The following CLCN2 variants were observed in gnomAD, a reference collection of about 807,000 sequenced individuals.
CLCN2 encodes chloride voltage-gated channel 2.
CLCN2 carries 72 observed loss-of-function variants against 108.3 expected under a neutral mutation model. The ratio of observed to expected loss-of-function variants is 0.66; its 90% CI spans 0.55 to 0.81. The LOEUF (loss-of-function observed/expected upper bound fraction) is 0.81. Among genes scored for constraint, CLCN2 ranks in the 30% least tolerant of loss-of-function variants. CLCN2 has a pLI of 0.00. For missense variants in CLCN2, 1,048 were observed against 1,205.2 expected, an observed-to-expected ratio of 0.87 and a Z score of 1.93; for synonymous variants, 471 against 467.1, an observed-to-expected ratio of 1.01 and a Z score of -0.11.
At position 184,354,223 on chromosome 3, in the gene CLCN2, A is replaced by T; in HGVS notation, c.1599T>A (p.Pro533=). ...ELTGQIAHIL[P]VMIAVILANA... ...TGGCCAGGATGACGGCGATCATGACAGGCAGGATGTGGGCAATCTGGCCTG... is the reference window on the plus strand; with the variant it reads ...TGGCCAGGATGACGGCGATCATGACTGGCAGGATGTGGGCAATCTGGCCTG... Residue 533 remains proline (P), a synonymous_variant, in exon 15 of 24, where the codon CCT becomes CCA. Transcript: ENST00000265593. 6.2e-7 allele frequency: 1 copy of T among 1,613,384 alleles called. No homozygotes were observed. Among genetic ancestry groups the T allele is most frequent in the South Asian group, 1.1e-5 (1 of 91,058 alleles).
At position 184,358,071 on chromosome 3, in the gene CLCN2, G is replaced by T. The variant is rs769305023; in HGVS notation, c.506C>A (p.Thr169Asn). ...TTTCAGCACCACTCCCCGCAAGATG[G>T]TCTTCATCTCAGGGATGCCAGAGCC... ...AVGSGIPEMKTILRGVVLKEY... is the reference protein window; with the variant it reads ...AVGSGIPEMKNILRGVVLKEY... The change falls in exon 5 of 24, where the codon ACC becomes AAC. Residue 169 changes from threonine to asparagine, a missense_variant. Physicochemically the swap from Thr to Asn is moderately conservative, Grantham distance 65. Coordinates refer to ENST00000265593, the MANE Select transcript of CLCN2 (RefSeq NM_004366.6). The T allele has an allele frequency of 8.7e-6, 14 of 1,614,004 alleles. No homozygotes were observed. The highest frequency in any genetic ancestry group is 1.1e-5 in the Non-Finnish European group (13 of 1,180,044).
Position 184,353,270 on chromosome 3 carries a change from CAG to C in CLCN2, c.2006_2007del (p.Pro669ArgfsTer66), listed in dbSNP as rs780051256. On this transcript the variant is annotated frameshift_variant, in exon 17 of 24. Coordinates refer to ENST00000265593, the MANE Select transcript of CLCN2 (RefSeq NM_004366.6). LOFTEE classifies it high-confidence loss of function. ...CTCACCTGGAAGCAGACAGAAGCCT[CAG>C]GGGTAGGGGGACCCTCCTGATCAGA... is the stretch of plus-strand genomic sequence containing the variant. The part of the protein sequence containing the change: ...PLSDQEGPPT[P>X]EASVCFQVNT... The C allele has an allele frequency of 1.2e-6, 2 of 1,614,062 alleles. No homozygotes were observed. The highest frequency in any genetic ancestry group is 1.7e-6 in the Non-Finnish European group (2 of 1,180,010).
intron 1 of CLCN2, among the ~76,000 whole-genome samples, chr3:184,360,828 C>T (rs1023815691): frequency 1.3e-5 from 2 of 152,196 alleles, no homozygotes; most frequent in Non-Finnish European, 2.9e-5. Context: ...GTCCCAATTC[C>T]CACACCCATT....
At position 184,357,164 on chromosome 3, in the gene CLCN2, G is replaced by A; in HGVS notation, c.983+18C>T. 2 of 1,612,348 alleles carry A rather than the reference G, an allele frequency of 1.2e-6. No homozygotes were observed. Among genetic ancestry groups the A allele is most frequent in the Non-Finnish European group, 1.7e-6 (2 of 1,178,734 alleles). ...ACCCCCCTCCTCTCTGATACCCCCA[G>A]CCCCCTCAGCTCCTCACCCAATGAC... On this transcript the variant is annotated intron_variant, in intron 9 of 23. Transcript: ENST00000265593.
chr3:184,354,512 G>T (rs756037290), intron 14 of CLCN2, 36 bp downstream of exon 14: 1 of 1,546,404 alleles, frequency 6.5e-7, no homozygotes, highest in Non-Finnish European at 8.9e-7. Flanking sequence ...GTGGGTGGGG[G>T]GGTCTCCCAA....
At chr3:184,350,195 A>G (rs558762058) in intron 22 of CLCN2, among the ~76,000 whole-genome samples, 4 of 152,248 alleles carry the variant, frequency 2.6e-5, no homozygotes, top group Admixed American at 1.3e-4. Flanking sequence ...CATGGAACCC[A>G]TTGGAGGGCC....
At chr3:184,349,743 T>C (rs1727956837) in intron 22 of CLCN2, among the ~76,000 whole-genome samples, 3 of 152,172 alleles carry the variant, frequency 2.0e-5, no homozygotes, top group African/African-American at 7.2e-5. Context: ...ATTTTACAGA[T>C]CGGGAAAGTG....
In CLCN2 at chr3:184,355,705, T is replaced by G; in HGVS notation, c.1159A>C (p.Met387Leu). 6.2e-7 allele frequency: 1 copy of G among 1,614,082 alleles called. No individual in the cohort carries two copies. Among genetic ancestry groups the G allele is most frequent in the Non-Finnish European group, 8.5e-7 (1 of 1,179,990 alleles). The stretch of plus-strand genomic sequence containing the variant: ...CTGCCTGTGGTTACCTGTCCAGCCA[T>G]GAACTGTCCAAAGCCAGGGGGGAAG... ...LTFPPGFGQFMAGQLSQKETL... is the reference protein window; with the variant it reads ...LTFPPGFGQFLAGQLSQKETL... Residue 387 changes from methionine (M) to leucine (L), a missense_variant, in exon 11 of 24, where the codon ATG becomes CTG. Transcript: ENST00000265593. The surrounding 1 kb of genome is among the most constrained non-coding windows in gnomAD (Gnocchi z 6.3).
intron 22 of CLCN2, 70 bp downstream of exon 22, chr3:184,351,943 G>T: frequency 2.6e-6 from 3 of 1,164,726 alleles, no homozygotes; most frequent in Non-Finnish European, 3.9e-6. Context: ...GTCCAAACTT[G>T]TAGGGGGACC....
chr3:184,349,936 C>T (rs78016881), intron 22 of CLCN2, among the ~76,000 whole-genome samples: 251 of 152,332 alleles, frequency 1.6e-3, no homozygotes, highest in Middle Eastern at 3.4e-3. Flanking sequence ...TCCAGTTGCA[C>T]GGGTTCCTAA....
At chr3:184,349,131 C>A (rs2108556668) in intron 22 of CLCN2, 1 of 152,328 alleles carries the variant, frequency 6.6e-6, no homozygotes, top group South Asian at 2.1e-4. Context: ...TGAAAACATT[C>A]ATTTCTTCCA....
rs562433669 is a variant in CLCN2, at chr3:184,354,426, T to C, written c.1508-112A>G. 39 of 1,318,096 alleles carry C rather than the reference T, an allele frequency of 3.0e-5. No homozygotes were observed. In the East Asian group the frequency reaches 7.3e-4, roughly 25 times the overall value. 81.7% of individuals were successfully genotyped at this position (1,318,096 alleles called of 1,614,324 possible). A position where few individuals can be genotyped will look rare whatever the true frequency, so the allele number is the denominator to read the frequency against. On this transcript the variant is annotated intron_variant, in intron 14 of 23. Coordinates refer to ENST00000265593, the MANE Select transcript of CLCN2 (RefSeq NM_004366.6). ...AGGGCTGCCCAATACAGTCCTGGGA[T>C]TGGACCTGTGCATCTGAGGGAAGCC...
At chr3:184,353,905 G>C in intron 15 of CLCN2, 110 bp from the exon 16 acceptor site, 2 of 1,520,708 alleles carry the variant, frequency 1.3e-6, no homozygotes, top group Non-Finnish European at 8.9e-7. Context: ...ATGGGGACGG[G>C]AGCTAAGGAC....
Position 184,359,911 on chromosome 3 carries a change from G to T in CLCN2, c.64-780C>A, listed in dbSNP as rs544012021. 5.9e-5 allele frequency among the ~76,000 whole-genome samples: 9 copies of T among 151,736 alleles called. No individual in the cohort carries two copies. In the South Asian group the frequency reaches 1.9e-3, roughly 32 times the overall value. On this transcript the variant is annotated intron_variant, in intron 1 of 23. Coordinates refer to ENST00000265593, the MANE Select transcript of CLCN2 (RefSeq NM_004366.6). ...GACCTGCCAAGCTGGGCGTGTGTTG[G>T]GGGGCGGGGAGGAGTAGATTCTGGC...
chr3:184,357,783 T>C lies in CLCN2; in HGVS notation c.689A>G (p.Tyr230Cys), dbSNP rs142968399. ...SKFLSLFGGI[Y>C]ENESRNTEML... ...TTGCCCCAGGGTTCCCCTTACCTCA[T>C]AGATACCCCCAAAGAGGGAGAGGAA... Residue 230 changes from tyrosine to cysteine, a missense_variant, in exon 6 of 24, where the codon TAT becomes TGT. Physicochemically the swap from Tyr to Cys is radical, Grantham distance 194. Transcript: ENST00000265593. The C allele has an allele frequency of 1.5e-5, 24 of 1,613,750 alleles. No homozygotes were observed. The highest frequency in any genetic ancestry group is 6.7e-5 in the Admixed American group (4 of 59,998).
intron 1 of CLCN2, among the ~76,000 whole-genome samples, chr3:184,359,599 C>A (rs1010829496): frequency 6.6e-6 from 1 of 152,222 alleles, no homozygotes; most frequent in Non-Finnish European, 1.5e-5. Flanking sequence ...ATCCTTATCA[C>A]GTTCCTGCTG....
chr3:184,354,107 C>T lies in CLCN2; in HGVS notation c.1715G>A (p.Arg572His), dbSNP rs1303886490. The change falls in exon 15 of 24, where the codon CGC (arginine) becomes CAC (histidine). Residue 572 changes from arginine to histidine, a missense_variant. Coordinates refer to ENST00000265593, the MANE Select transcript of CLCN2 (RefSeq NM_004366.6). ...LPYLPELGWG[R>H]HQQYRVRVED... ...GGCACCCAGCCCTCCGTACTGGTGG[C>T]GGCCCCAGCCGAGCTCAGGCAGGTA... 4 of 1,611,770 alleles carry T rather than the reference C, an allele frequency of 2.5e-6. No homozygotes were observed. The highest frequency in any genetic ancestry group is 2.2e-5 in the East Asian group (1 of 44,794).
chr3:184,356,182 GGGGGAAGCT>G, intron 10 of CLCN2: 1 of 289,394 alleles, frequency 3.5e-6, no homozygotes, highest in Non-Finnish European at 6.7e-6. Flanking sequence ...GGTCAATGTT[GGGGGAAGCT>G]GGGGTCACTT....
At position 184,353,055 on chromosome 3, in the gene CLCN2, C is replaced by T; in HGVS notation, c.2121G>A (p.Arg707=). The change falls in exon 18 of 24, where the codon AGG becomes AGA. Residue 707 remains arginine, a synonymous_variant. Coordinates refer to ENST00000265593, the MANE Select transcript of CLCN2 (RefSeq NM_004366.6). ...PALKRGPSVT[R]NLGESPTGSA... ...TACCTGTGGGACTCTCTCCGAGGTT[C>T]CTGGTGACACTGGGCCCCCTCTTGA... The T allele has an allele frequency of 2.5e-6, 4 of 1,614,134 alleles. No homozygotes were observed. The highest frequency in any genetic ancestry group is 2.2e-5 in the East Asian group (1 of 44,866).
Sources: gnomAD v4.1 joint callset for allele counts (sites outside exome capture counted in the v4.1 genomes callset) on GRCh38, gnomAD v4.1.1 for gene constraint, Gnocchi (gnomAD v3.1) non-coding constraint, MANE v1.5 for transcripts, NCBI Gene and HGNC (gene_info 2026-07-23, HGNC 2026-07-21) for gene names.